TNR: variants seen among roughly 807,000 people sequenced by gnomAD.
TNR encodes tenascin-R.
A neutral mutation model predicts 150.4 loss-of-function variants in TNR; 45 were observed. The observed-to-expected ratio is 0.30, with a 90% confidence interval of 0.24 to 0.38. The LOEUF (loss-of-function observed/expected upper bound fraction) is 0.38, where lower values mean the gene tolerates loss of function less well. Among genes scored for constraint, TNR ranks in the 10% least tolerant of loss-of-function variants. The pLI is 1.00. For synonymous variants in TNR, 687 were observed against 678.4 expected, an observed-to-expected ratio of 1.01 and a Z score of -0.20; for missense variants, 1,544 against 1,759.1, an observed-to-expected ratio of 0.88 and a Z score of 2.19.
intron 2 of TNR, among the ~76,000 whole-genome samples, chr1:175,513,909 T>C (rs1211137516): frequency 1.3e-5 from 2 of 152,088 alleles, no homozygotes; most frequent in Non-Finnish European, 2.9e-5. Flanking sequence ...CTGGGATGGG[T>C]TTGGAGTATC....
chr1:175,618,554 A>T (rs1277916157), intron 1 of TNR, among the ~76,000 whole-genome samples: 1 of 152,152 alleles, frequency 6.6e-6, no homozygotes, highest in Non-Finnish European at 1.5e-5. Flanking sequence ...CTCTGCCCCA[A>T]CTGGCTAAGA....
chr1:175,336,492 G>A (rs1650259358), intron 19 of TNR, among the ~76,000 whole-genome samples: 2 of 152,244 alleles, frequency 1.3e-5, no homozygotes, highest in Non-Finnish European at 2.9e-5. Context: ...ATCCAAAGAA[G>A]GGCGGAGGGG....
chr1:175,331,139 C>CTCTCTCTCTTTCT (rs1649870297), intron 20 of TNR, among the ~76,000 whole-genome samples: 1 of 114,540 alleles, frequency 8.7e-6, no homozygotes, highest in African/African-American at 2.9e-5. Flanking sequence ...TCTTTTCTTT[C>CTCTCTCTCTTTCT]TTTCTTCCTT....
intron 18 of TNR, among the ~76,000 whole-genome samples, chr1:175,349,483 A>G (rs945638888): frequency 6.6e-6 from 1 of 152,220 alleles, no homozygotes; most frequent in East Asian, 1.9e-4. Flanking sequence ...AACTATGAGA[A>G]TAGGGAATGA....
intron 18 of TNR, among the ~76,000 whole-genome samples, chr1:175,345,351 C>T (rs1650731206): frequency 6.6e-6 from 1 of 152,190 alleles, no homozygotes; most frequent in Non-Finnish European, 1.5e-5. Context: ...CCAGAATATC[C>T]ATTCACTGAA....
chr1:175,581,205 C>T (rs570145436), intron 1 of TNR, among the ~76,000 whole-genome samples: 50 of 152,300 alleles, frequency 3.3e-4, no homozygotes, highest in Middle Eastern at 3.4e-3. Flanking sequence ...GGGAACCGCT[C>T]ATCCTTGCCT....
At chr1:175,686,088 G>A (rs971935801) in intron 1 of TNR, among the ~76,000 whole-genome samples, 3 of 151,742 alleles carry the variant, frequency 2.0e-5, no homozygotes, top group South Asian at 4.2e-4. Flanking sequence ...TTTTCAATAA[G>A]AAGGAAAAAA....
At chr1:175,734,735 A>G (rs1489101151) in intron 1 of TNR, among the ~76,000 whole-genome samples, 1 of 152,140 alleles carries the variant, frequency 6.6e-6, no homozygotes, top group Non-Finnish European at 1.5e-5. Flanking sequence ...TCCTGTTTTT[A>G]AACAGCCCTC....
Position 175,365,197 on chromosome 1 carries a change from T to TG in TNR, c.2399dup (p.Ala801SerfsTer7). On this transcript the variant is annotated frameshift_variant, in exon 12 of 23. Transcript: ENST00000367674. LOFTEE classifies it high-confidence loss of function. The stretch of plus-strand genomic sequence containing the variant: ...TGTAGTTAAGAATGAGTCTGTCTGC[T>TG]GGGGGAGATGGATCACTCCAAGTGA... The TG allele has an allele frequency of 6.2e-7, 1 of 1,614,026 alleles. No individual in the cohort carries two copies. Among genetic ancestry groups the TG allele is most frequent in the Non-Finnish European group, 8.5e-7 (1 of 1,179,990 alleles).
rs557984342 is a variant in TNR, at chr1:175,647,431, G to C, written c.-165+95795C>G. On this transcript the variant is annotated intron_variant, in intron 1 of 22. Transcript: ENST00000367674. The stretch of plus-strand genomic sequence containing the variant: ...TTTGAAAATACGCTTGTTACTATTC[G>C]GTGCAAAAAAAAAAAAAACCTCATT... Among the ~76,000 whole-genome samples, 145 of 125,746 alleles carry C rather than the reference G, an allele frequency of 1.2e-3. No homozygotes were observed. The East Asian group carries it at 0.028, about 25-fold the overall frequency. The allele number at this position is 125,746 out of a possible 152,430, so 82.5% of individuals were successfully genotyped here.
intron 2 of TNR, among the ~76,000 whole-genome samples, chr1:175,478,079 G>C (rs748620389): frequency 2.0e-5 from 3 of 152,216 alleles, no homozygotes; most frequent in Non-Finnish European, 4.4e-5. Flanking sequence ...GCTGCAAATA[G>C]AGGGGCACAC....
intron 1 of TNR, among the ~76,000 whole-genome samples, chr1:175,640,791 G>GTATATATATATATA (rs59240572): frequency 1.7e-4 from 25 of 143,648 alleles, no homozygotes; most frequent in African/African-American, 6.5e-4. Context: ...GTGTGTGTGG[G>GTATATATATATATA]TATATATATA....
Position 175,669,328 on chromosome 1 carries a change from C to T in TNR, c.-165+73898G>A, listed in dbSNP as rs78165023. 3.2e-3 allele frequency among the ~76,000 whole-genome samples: 491 copies of T among 152,322 alleles called. 19 individuals carry two copies. The East Asian group carries it at 0.075, about 23-fold the overall frequency. Reference sequence around the variant, plus strand: ...GCCAGGCACAGGGCCAGGCGCTCAACATGGTTGATGAATGAACAACTGAAT... The same window carrying T: ...GCCAGGCACAGGGCCAGGCGCTCAATATGGTTGATGAATGAACAACTGAAT... On this transcript the variant is annotated intron_variant, in intron 1 of 22. Coordinates refer to ENST00000367674, the MANE Select transcript of TNR (RefSeq NM_003285.3).
intron 2 of TNR, among the ~76,000 whole-genome samples, chr1:175,479,598 G>A (rs1657690373): frequency 1.3e-5 from 2 of 152,148 alleles, no homozygotes; most frequent in East Asian, 1.9e-4. Flanking sequence ...CTGGCTGAAC[G>A]TGGCAGCCAG....
At chr1:175,724,956 G>A (rs1428853513) in intron 1 of TNR, among the ~76,000 whole-genome samples, 2 of 152,124 alleles carry the variant, frequency 1.3e-5, no homozygotes, top group Non-Finnish European at 2.9e-5. Flanking sequence ...CAGCTCAAGT[G>A]TGGCTTGAGC....
chr1:175,470,613 G>A (rs912910943), intron 2 of TNR, among the ~76,000 whole-genome samples: 1 of 152,152 alleles, frequency 6.6e-6, no homozygotes, highest in African/African-American at 2.4e-5. Context: ...ATGGAGAATG[G>A]GGTATCTATC....
intron 9 of TNR, 26 bp from the exon 10 acceptor site, chr1:175,367,323 T>A: frequency 6.2e-7 from 1 of 1,600,128 alleles, no homozygotes; most frequent in Non-Finnish European, 8.6e-7. Context: ...GAAACAAACA[T>A]TATTCTGTGT....
intron 1 of TNR, among the ~76,000 whole-genome samples, chr1:175,570,625 T>G (rs961080508): frequency 6.6e-6 from 1 of 152,132 alleles, no homozygotes; most frequent in African/African-American, 2.4e-5. Flanking sequence ...TCTTCCCTTC[T>G]TCTTTCCTTT....
Position 175,657,883 on chromosome 1 carries a change from A to ATATATATATATATATATGTG in TNR, c.-165+85342_-165+85343insCACATATATATATATATATA, listed in dbSNP as rs1464419575. On this transcript the variant is annotated intron_variant, in intron 1 of 22. Coordinates refer to ENST00000367674, the MANE Select transcript of TNR (RefSeq NM_003285.3). ...TATATATATATATATATATATATAT[A>ATATATATATATATATATGTG]TGTAACAAACCTGCACGTTGTGCAC... is the stretch of plus-strand genomic sequence containing the variant. Among the ~76,000 whole-genome samples the ATATATATATATATATATGTG allele has an allele frequency of 1.0e-3, 101 of 101,118 alleles. 7 individuals are homozygous for ATATATATATATATATATGTG. The highest frequency in any genetic ancestry group is 1.6e-3 in the Non-Finnish European group (78 of 48,750). The allele number at this position is 101,118 out of a possible 152,430, so 66.3% of individuals were successfully genotyped here. A position where few individuals can be genotyped will look rare whatever the true frequency, so the allele number is the denominator to read the frequency against.
Sources: gnomAD v4.1 joint callset for allele counts (sites outside exome capture counted in the v4.1 genomes callset) on GRCh38, gnomAD v4.1.1 for gene constraint, MANE v1.5 for transcripts, NCBI Gene and HGNC (gene_info 2026-07-23, HGNC 2026-07-21) for gene names.